SLC2A12: variants seen among roughly 807,000 people sequenced by gnomAD.
SLC2A12 encodes the protein solute carrier family 2, facilitated glucose transporter member 12.
SLC2A12 carries 23 observed loss-of-function variants against 41.8 expected under a neutral mutation model. The observed-to-expected ratio is 0.55, with a 90% CI of 0.40 to 0.78. The LOEUF (loss-of-function observed/expected upper bound fraction) is 0.78, where lower values mean the gene tolerates loss of function less well. Ranked by LOEUF, SLC2A12 falls within the 30% of genes least tolerant of loss-of-function variation. The pLI is 0.00. For synonymous variants in SLC2A12, 295 were observed against 285.9 expected (o/e 1.03, Z -0.32); for missense variants, 654 against 745.6 (o/e 0.88, Z 1.43).
intron 2 of SLC2A12, among the ~76,000 whole-genome samples, chr6:134,020,043 G>A (rs868277474): frequency 4.9e-4 from 64 of 131,482 alleles, no homozygotes; most frequent in African/African-American, 1.9e-3. Context: ...AAAAAAAAAA[G>A]TATGTAAGAT....
At chr6:134,038,336 A>ATTCTTT (rs1437189786) in intron 1 of SLC2A12, among the ~76,000 whole-genome samples, 2 of 88,926 alleles carry the variant, frequency 2.2e-5, no homozygotes, top group Non-Finnish European at 2.6e-5. Flanking sequence ...TATTACTTTC[A>ATTCTTT]TTCTTTTTCT....
chr6:134,001,393 A>G (rs7775309), intron 4 of SLC2A12, among the ~76,000 whole-genome samples: 2,817 of 152,326 alleles, frequency 0.018, 88 homozygotes, highest in African/African-American at 0.064. Flanking sequence ...TCAGGAAAAA[A>G]TCAGGTAAAA....
At position 133,989,676 on chromosome 6, in the gene SLC2A12, G is replaced by T. The variant is rs141162908; in HGVS notation, c.*1479C>A. The stretch of plus-strand genomic sequence containing the variant: ...ATACACTGCAGATCCAGGCCTTTTA[G>T]TCAGTCTCCTGAGTCTCTGATATAG... On this transcript the variant is annotated 3_prime_UTR_variant, in exon 5 of 5. Coordinates refer to ENST00000275230, the MANE Select transcript of SLC2A12 (RefSeq NM_145176.3). 23 of 152,248 alleles carry T rather than the reference G, an allele frequency of 1.5e-4. No homozygotes were observed. The highest frequency in any genetic ancestry group is 5.1e-4 in the African/African-American group (21 of 41,538). 9.4% of individuals were successfully genotyped at this position (152,248 alleles called of 1,614,324 possible). A position where few individuals can be genotyped will look rare whatever the true frequency, so the allele number is the denominator to read the frequency against.
At chr6:134,040,738 A>G (rs1777371671) in intron 1 of SLC2A12, among the ~76,000 whole-genome samples, 1 of 152,228 alleles carries the variant, frequency 6.6e-6, no homozygotes, top group South Asian at 2.1e-4. Context: ...TTCAAGAAGC[A>G]ACCTGGAAGA....
At chr6:134,000,058 T>C (rs1776736817) in intron 4 of SLC2A12, among the ~76,000 whole-genome samples, 1 of 152,208 alleles carries the variant, frequency 6.6e-6, no homozygotes, top group Admixed American at 6.5e-5. Context: ...AGAAATCCAA[T>C]CATTTTAACC....
Position 133,987,857 on chromosome 6 carries a change from T to A in SLC2A12, c.*3298A>T, listed in dbSNP as rs1415583609. On this transcript the variant is annotated 3_prime_UTR_variant, in exon 5 of 5. Coordinates refer to ENST00000275230, the MANE Select transcript of SLC2A12 (RefSeq NM_145176.3). ...GAAAATGTTAAATAACTTGTAAAGG[T>A]TAAGAAATTGTAGTTTTAAGAAGAG... The A allele has an allele frequency of 6.6e-6, 1 of 152,374 alleles. No homozygotes were observed. Among genetic ancestry groups the A allele is most frequent in the African/African-American group, 2.4e-5 (1 of 41,368 alleles). 9.4% of individuals were successfully genotyped at this position (152,374 alleles called of 1,614,324 possible).
chr6:134,006,728 A>C (rs1776820754), intron 3 of SLC2A12, 84 bp downstream of exon 3: 1 of 1,541,480 alleles, frequency 6.5e-7, no homozygotes, highest in Non-Finnish European at 8.8e-7. Flanking sequence ...ATTTCCACGA[A>C]AAAATGGTCT....
At chr6:134,024,079 G>T (rs943969148) in intron 2 of SLC2A12, among the ~76,000 whole-genome samples, 1 of 152,204 alleles carries the variant, frequency 6.6e-6, no homozygotes, top group Non-Finnish European at 1.5e-5. Flanking sequence ...CCGATCACTG[G>T]TTCCCCTTGT....
rs1318670232 is a variant in SLC2A12 at position 134,052,520 on chromosome 6, C to A, written c.-40G>T. ...TACAGCCGCTTCCCCGCCACCAAAC[C>A]GCCCCGACCACCCCCGCTCCCAGGA... On this transcript the variant is annotated 5_prime_UTR_variant, in exon 1 of 5. Coordinates refer to ENST00000275230, the MANE Select transcript of SLC2A12 (RefSeq NM_145176.3). 2.0e-6 allele frequency: 3 copies of A among 1,532,256 alleles called. No individual in the cohort carries two copies. Among genetic ancestry groups the A allele is most frequent in the Non-Finnish European group, 1.8e-6 (2 of 1,110,438 alleles). The allele number at this position is 1,532,256 out of a possible 1,614,324, so 94.9% of individuals were successfully genotyped here.
chr6:134,040,531 T>C (rs780971895), intron 1 of SLC2A12, among the ~76,000 whole-genome samples: 1 of 152,234 alleles, frequency 6.6e-6, no homozygotes, highest in South Asian at 2.1e-4. Flanking sequence ...ACTCACACTG[T>C]ACCCATCCTC....
At position 134,029,690 on chromosome 6, in the gene SLC2A12, G is replaced by A; in HGVS notation, c.135C>T (p.Val45=). The change falls in exon 2 of 5, where the codon GTC becomes GTT. Residue 45 remains valine (V), a synonymous_variant. Coordinates refer to ENST00000275230, the MANE Select transcript of SLC2A12 (RefSeq NM_145176.3). Reference sequence around the variant, plus strand: ...CCAGGAGGCCACTGACAGCAGCAGTGACAGATGACAGGAAGGTAAACATGC... The same window carrying A: ...CCAGGAGGCCACTGACAGCAGCAGTAACAGATGACAGGAAGGTAAACATGC... ...GCGMFTFLSS[V]TAAVSGLLVG... The A allele has an allele frequency of 6.2e-7, 1 of 1,605,870 alleles. No homozygotes were observed. Among genetic ancestry groups the A allele is most frequent in the Non-Finnish European group, 8.5e-7 (1 of 1,178,134 alleles).
At chr6:134,031,303 A>G (rs1777203004) in intron 1 of SLC2A12, among the ~76,000 whole-genome samples, 1 of 152,060 alleles carries the variant, frequency 6.6e-6, no homozygotes. Flanking sequence ...GAGGCAGGAG[A>G]ATCACTTGAA....
Position 134,029,353 on chromosome 6 carries a change from T to C in SLC2A12, c.472A>G (p.Ile158Val). Reference sequence around the variant, plus strand: ...AGGCCTCTTCTGTGTTGAGGAGCAATCTCTGCGATGTAAACACAAGTGGCA... The same window carrying C: ...AGGCCTCTTCTGTGTTGAGGAGCAACCTCTGCGATGTAAACACAAGTGGCA... ...SIATCVYIAE[I>V]APQHRRGLLV... Residue 158 changes from isoleucine to valine, a missense_variant, in exon 2 of 5, where the codon ATT becomes GTT. Around this residue, in one of 3 missense-constraint regions of SLC2A12, gnomAD observed 411 missense variants for 412.1 expected, o/e 1.00. Coordinates refer to ENST00000275230, the MANE Select transcript of SLC2A12 (RefSeq NM_145176.3). 1 of 1,614,138 alleles carries C rather than the reference T, an allele frequency of 6.2e-7. No individual in the cohort carries two copies. The highest frequency in any genetic ancestry group is 8.5e-7 in the Non-Finnish European group (1 of 1,180,032).
At chr6:134,001,880 G>C (rs984861662) in intron 4 of SLC2A12, 117 bp downstream of exon 4, 1 of 1,123,496 alleles carries the variant, frequency 8.9e-7, no homozygotes, top group Non-Finnish European at 1.2e-6. Context: ...TTACGCTAAA[G>C]GGAATGTCCT....
At chr6:134,031,650 C>T (rs1777209246) in intron 1 of SLC2A12, among the ~76,000 whole-genome samples, 1 of 152,068 alleles carries the variant, frequency 6.6e-6, no homozygotes, top group Non-Finnish European at 1.5e-5. Context: ...AGGAATAGAA[C>T]TGGTTGTGAG....
chr6:133,994,456 G>A (rs543696357), intron 4 of SLC2A12, among the ~76,000 whole-genome samples: 4 of 152,268 alleles, frequency 2.6e-5, no homozygotes, highest in East Asian at 1.9e-4. Flanking sequence ...GGCTGGACGC[G>A]GTGGCTCACG....
At chr6:133,994,425 T>A (rs1259315454) in intron 4 of SLC2A12, among the ~76,000 whole-genome samples, 1 of 152,022 alleles carries the variant, frequency 6.6e-6, no homozygotes, top group African/African-American at 2.4e-5. Flanking sequence ...GGCATATCAA[T>A]GAGATAAAAA....
intron 4 of SLC2A12, among the ~76,000 whole-genome samples, chr6:133,994,777 G>T (rs1297158789): frequency 3.9e-5 from 6 of 152,158 alleles, no homozygotes; most frequent in Non-Finnish European, 8.8e-5. Flanking sequence ...TGGTGAGGGT[G>T]ATAGAGAAGT....
chr6:134,048,287 G>C (rs920788444), intron 1 of SLC2A12, among the ~76,000 whole-genome samples: 1 of 152,126 alleles, frequency 6.6e-6, no homozygotes, highest in African/African-American at 2.4e-5. Context: ...CTCCATAAAT[G>C]AACACGTCTA....
Sources: allele counts gnomAD v4.1 joint callset (sites outside exome capture counted in the v4.1 genomes callset), GRCh38; gene constraint gnomAD v4.1.1; regional missense constraint gnomAD v4.1.1; transcripts MANE v1.5; gene names NCBI Gene and HGNC (gene_info 2026-07-23, HGNC 2026-07-21).